Variants in MEX3B observed in about 807,000 individuals in gnomAD.
MEX3B encodes mex-3 RNA binding family member B.
A neutral mutation model predicts 12.2 loss-of-function variants in MEX3B; 10 were observed. That is an observed-to-expected ratio of 0.82 (90% CI 0.51 to 1.40). MEX3B has a LOEUF of 1.40. Among genes scored for constraint, MEX3B ranks in the 40% most tolerant of loss-of-function variants. The pLI, the probability that MEX3B is intolerant of heterozygous loss-of-function variation, is 0.00. For missense variants in MEX3B, 839 were observed against 801.4 expected (o/e 1.05, Z -0.57); for synonymous variants, 498 against 356.3 (o/e 1.40, Z -4.48).
rs1472490127 is a variant in MEX3B, at chr15:82,043,753, C to T, written c.1117G>A (p.Ala373Thr). 1 of 1,569,556 alleles carries T rather than the reference C, an allele frequency of 6.4e-7. No homozygotes were observed. Among genetic ancestry groups the T allele is most frequent in the Non-Finnish European group, 8.6e-7 (1 of 1,159,206 alleles). The part of the protein sequence containing the change: ...FDPAPAPPPG[A>T]PLIWAQFERS... ...TCGAACTGGGCCCAGATAAGTGGTGCCCCAGGTGGGGGAGCGGGAGCCGGG... is the reference window on the plus strand; with the variant it reads ...TCGAACTGGGCCCAGATAAGTGGTGTCCCAGGTGGGGGAGCGGGAGCCGGG... Residue 373 changes from alanine (A) to threonine (T), a missense_variant, in exon 2 of 2, where the codon GCA becomes ACA. Physicochemically the swap from Ala to Thr is moderately conservative, Grantham distance 58 (BLOSUM62 0). This residue lies in a region of MEX3B where 573 missense variants were observed against 488.9 expected (regional missense o/e 1.17). Coordinates refer to ENST00000329713, the MANE Select transcript of MEX3B (RefSeq NM_032246.6).
In MEX3B at chr15:82,043,923, G is replaced by C; in HGVS notation, c.947C>G (p.Ala316Gly). 36 of 1,600,762 alleles carry C rather than the reference G, an allele frequency of 2.2e-5. No homozygotes were observed. Among genetic ancestry groups the C allele is most frequent in the Non-Finnish European group, 3.1e-5 (36 of 1,176,354 alleles). Residue 316 changes from alanine to glycine, a missense_variant, in exon 2 of 2, where the codon GCG becomes GGG. Coordinates refer to ENST00000329713, the MANE Select transcript of MEX3B (RefSeq NM_032246.6). The stretch of plus-strand genomic sequence containing the variant: ...GGCGGGGCTAGGGGGGCTGTAGTCC[G>C]CCAGGCGCTGGGTAGCCGCTGCGCT... ...SSSAAATQRL[A>G]DYSPPSPALS...
Position 82,044,741 on chromosome 15 carries a change from G to C in MEX3B, c.257-128C>G. 4 of 901,062 alleles carry C rather than the reference G, an allele frequency of 4.4e-6. No homozygotes were observed. The highest frequency in any genetic ancestry group is 5.2e-6 in the Non-Finnish European group (3 of 580,194). The allele number at this position is 901,062 out of a possible 1,614,324, so 55.8% of individuals were successfully genotyped here. ...GAGACGGCAGGACAAGAGATGGGCG[G>C]AAAGGGGGCGTCTCCCTCACTGACC... On this transcript the variant is annotated intron_variant, in intron 1 of 1. Transcript: ENST00000329713. The surrounding 1 kb of genome is among the most constrained non-coding windows in gnomAD (Gnocchi z 5.3).
Position 82,042,276 on chromosome 15 carries a change from C to T in MEX3B, c.*884G>A, listed in dbSNP as rs1244356987. 1 of 152,456 alleles carries T rather than the reference C, an allele frequency of 6.6e-6. No individual in the cohort carries two copies. The highest frequency in any genetic ancestry group is 1.9e-4 in the East Asian group (1 of 5,204). The allele number at this position is 152,456 out of a possible 1,614,324, so 9.4% of individuals were successfully genotyped here. ...AGCAGATCTAGAAGATTTGTCTGAACCTATAAAATCTCCATCCCAACAGAA... is the reference window on the plus strand; with the variant it reads ...AGCAGATCTAGAAGATTTGTCTGAATCTATAAAATCTCCATCCCAACAGAA... On this transcript the variant is annotated 3_prime_UTR_variant, in exon 2 of 2. Coordinates refer to ENST00000329713, the MANE Select transcript of MEX3B (RefSeq NM_032246.6).
rs1306988178 is a variant in MEX3B at position 82,044,783 on chromosome 15, G to A, written c.257-170C>T. ...TCACTGACCTCGGGCCGCGCCACGG[G>A]CTGGGCAGCGGATCCCACCCGCGAG... On this transcript the variant is annotated intron_variant, in intron 1 of 1. Transcript: ENST00000329713. The surrounding 1 kb of genome is among the most constrained non-coding windows in gnomAD (Gnocchi z 5.3). 3 of 692,066 alleles carry A rather than the reference G, an allele frequency of 4.3e-6. No homozygotes were observed. The highest frequency in any genetic ancestry group is 7.3e-6 in the Non-Finnish European group (3 of 409,234). The allele number at this position is 692,066 out of a possible 1,614,324, so 42.9% of individuals were successfully genotyped here.
Position 82,042,488 on chromosome 15 carries a change from T to A in MEX3B, c.*672A>T, listed in dbSNP as rs139663241. 498 of 152,734 alleles carry A rather than the reference T, an allele frequency of 3.3e-3. 3 individuals carry two copies. The highest frequency in any genetic ancestry group is 5.4e-3 in the Non-Finnish European group (368 of 68,038). The allele number at this position is 152,734 out of a possible 1,614,324, so 9.5% of individuals were successfully genotyped here. ...TCTTTGCAATATGAAATATAATTTT[T>A]CAAGTCAAAAAAGAATAAAATACTT... On this transcript the variant is annotated 3_prime_UTR_variant, in exon 2 of 2. Transcript: ENST00000329713.
chr15:82,045,412 ACCACCC>A, intron 1 of MEX3B, 32 bp downstream of exon 1: 8 of 1,573,492 alleles, frequency 5.1e-6, no homozygotes, highest in Non-Finnish European at 6.9e-6. Context: ...GAGACCCTAC[ACCACCC>A]CCACCCACCT....
rs757158976 is a variant in MEX3B, at chr15:82,043,657, A to G, written c.1213T>C (p.Ser405Pro). ...CCGGGGAAGACCACGGAGGAGGAAG[A>G]AGCAGACGAAGATGCAGAAGAAGAG... ...SCSSSASSSASSSSVVFPGGG... is the reference protein window; with the variant it reads ...SCSSSASSSAPSSSVVFPGGG... The change falls in exon 2 of 2, where the codon TCT becomes CCT. Residue 405 changes from serine (S) to proline (P), a missense_variant. Coordinates refer to ENST00000329713, the MANE Select transcript of MEX3B (RefSeq NM_032246.6). 7 of 1,611,132 alleles carry G rather than the reference A, an allele frequency of 4.3e-6. No individual in the cohort carries two copies. In the South Asian group the frequency reaches 7.7e-5, roughly 18 times the overall value.
intron 1 of MEX3B, chr15:82,045,007 G>C (rs879108434): frequency 1.7e-6 from 1 of 585,336 alleles, no homozygotes; most frequent in Admixed American, 3.1e-5. Flanking sequence ...CTGGTCGACT[G>C]GGGGTAGGGG....
Position 82,042,933 on chromosome 15 carries a change from T to G in MEX3B, c.*227A>C. ...GTTCAGGTTTCCCAGGCTACAGTAC[T>G]CTTGATGCAGATATCCTGGCAAATT... On this transcript the variant is annotated 3_prime_UTR_variant, in exon 2 of 2. Transcript: ENST00000329713. 2.5e-6 allele frequency: 1 copy of G among 398,990 alleles called. No homozygotes were observed. Among genetic ancestry groups the G allele is most frequent in the Non-Finnish European group, 4.4e-6 (1 of 226,360 alleles). 24.7% of individuals were successfully genotyped at this position (398,990 alleles called of 1,614,324 possible).
At position 82,045,651 on chromosome 15, in the gene MEX3B, C is replaced by T. The variant is rs961047847; in HGVS notation, c.55G>A (p.Gly19Ser). The T allele has an allele frequency of 1.0e-5, 16 of 1,563,724 alleles. No homozygotes were observed. The highest frequency in any genetic ancestry group is 1.3e-5 in the Non-Finnish European group (15 of 1,160,392). The change falls in exon 1 of 2, where the codon GGC becomes AGC. Residue 19 changes from glycine (G) to serine (S), a missense_variant. Gly to Ser is a moderately conservative substitution (Grantham distance 56, BLOSUM62 0). Coordinates refer to ENST00000329713, the MANE Select transcript of MEX3B (RefSeq NM_032246.6). The part of the protein sequence containing the change: ...LERNGSGGGG[G>S]GSSGGGETLD... ...GTCTCTCCCCCTCCGCTGCTGCCGC[C>T]GCCGCCGCCGCCGCTGCCGTTGCGC...
chr15:82,044,880 G>C lies in MEX3B; in HGVS notation c.257-267C>G, dbSNP rs1001077648. The C allele has an allele frequency of 5.1e-6, 3 of 585,686 alleles. No homozygotes were observed. The highest frequency in any genetic ancestry group is 9.1e-6 in the Non-Finnish European group (3 of 328,378). 36.3% of individuals were successfully genotyped at this position (585,686 alleles called of 1,614,324 possible). On this transcript the variant is annotated intron_variant, in intron 1 of 1. Transcript: ENST00000329713. The surrounding 1 kb of genome is among the most constrained non-coding windows in gnomAD (Gnocchi z 5.3). ...TGCAGTCGTCCCGAACCAAACCCGA[G>C]AATCCCAGAAAAGTCATCTGGGGAG...
chr15:82,041,805 A>G lies in MEX3B; in HGVS notation c.*1355T>C, dbSNP rs2073221848. Reference sequence around the variant, plus strand: ...AGATTTTCTTCAATATTTTATTTATATAGAAATACTTAAAAAATGAAGTAG... The same window carrying G: ...AGATTTTCTTCAATATTTTATTTATGTAGAAATACTTAAAAAATGAAGTAG... On this transcript the variant is annotated 3_prime_UTR_variant, in exon 2 of 2. Coordinates refer to ENST00000329713, the MANE Select transcript of MEX3B (RefSeq NM_032246.6). 6.6e-6 allele frequency: 1 copy of G among 152,632 alleles called. No individual in the cohort carries two copies. Among genetic ancestry groups the G allele is most frequent in the Non-Finnish European group, 1.5e-5 (1 of 68,040 alleles). 9.5% of individuals were successfully genotyped at this position (152,632 alleles called of 1,614,324 possible). A position where few individuals can be genotyped will look rare whatever the true frequency, so the allele number is the denominator to read the frequency against.
chr15:82,043,153 G>A lies in MEX3B; in HGVS notation c.*7C>T. 7 of 1,522,202 alleles carry A rather than the reference G, an allele frequency of 4.6e-6. No individual in the cohort carries two copies. The highest frequency in any genetic ancestry group is 2.3e-5 in the East Asian group (1 of 43,182). The allele number at this position is 1,522,202 out of a possible 1,614,324, so 94.3% of individuals were successfully genotyped here. ...AGCACGGTGCGCACTAGCAGCGCCC[G>A]CTGCCTTTAAGAAAAGATGCGGATG... On this transcript the variant is annotated 3_prime_UTR_variant, in exon 2 of 2. Transcript: ENST00000329713.
rs548260643 is a variant in MEX3B, at chr15:82,043,105, G to A, written c.*55C>T. ...CAGGCGAGCGCTGGGGAAAGAGGGT[G>A]GGGAGGGGTTCCCCCTTCCCCCAGC... On this transcript the variant is annotated 3_prime_UTR_variant, in exon 2 of 2. Transcript: ENST00000329713. The A allele has an allele frequency of 5.8e-5, 82 of 1,416,008 alleles. No individual in the cohort carries two copies. In the African/African-American group the frequency reaches 9.3e-4, roughly 16 times the overall value. 87.7% of individuals were successfully genotyped at this position (1,416,008 alleles called of 1,614,324 possible). A position where few individuals can be genotyped will look rare whatever the true frequency, so the allele number is the denominator to read the frequency against.
In MEX3B at chr15:82,044,692, GGGACAGCCCGCGTCCA is replaced by G; in HGVS notation, c.257-95_257-80del. 1.4e-6 allele frequency: 2 copies of G among 1,409,664 alleles called. No individual in the cohort carries two copies. The highest frequency in any genetic ancestry group is 2.0e-6 in the Non-Finnish European group (2 of 1,004,118). The allele number at this position is 1,409,664 out of a possible 1,614,324, so 87.3% of individuals were successfully genotyped here. On this transcript the variant is annotated intron_variant, in intron 1 of 1. Transcript: ENST00000329713. This position sits in a 1 kb window ranked among gnomAD's most constrained non-coding sequence, Gnocchi z 5.3. Reference sequence around the variant, plus strand: ...TATCCTGGGGTAACCGCGGGGACCGGGGACAGCCCGCGTCCAGGACAGCGAGACGGCAGGACAAGAG... The same window carrying G: ...TATCCTGGGGTAACCGCGGGGACCGGGGACAGCGAGACGGCAGGACAAGAG...
Position 82,043,661 on chromosome 15 carries a change from A to C in MEX3B, c.1209T>G (p.Ser403=), listed in dbSNP as rs2141169597. 2.5e-6 allele frequency: 4 copies of C among 1,611,098 alleles called. No individual in the cohort carries two copies. The highest frequency in any genetic ancestry group is 3.4e-6 in the Non-Finnish European group (4 of 1,178,734). ...SSSCSSSASS[S]ASSSSVVFPG... ...GGAAGACCACGGAGGAGGAAGAAGC[A>C]GACGAAGATGCAGAAGAAGAGCAGG... Residue 403 remains serine, a synonymous_variant, in exon 2 of 2, where the codon TCT becomes TCG. Transcript: ENST00000329713.
In MEX3B at chr15:82,045,635, C is replaced by A; in HGVS notation, c.71G>T (p.Gly24Val). The A allele has an allele frequency of 6.3e-7, 1 of 1,590,234 alleles. No individual in the cohort carries two copies. Among genetic ancestry groups the A allele is most frequent in the Non-Finnish European group, 8.5e-7 (1 of 1,172,340 alleles). The change falls in exon 1 of 2, where the codon GGG (glycine) becomes GTG (valine). Residue 24 changes from glycine (G) to valine (V), a missense_variant. By Grantham distance (109) the Gly-to-Val change is moderately radical. Coordinates refer to ENST00000329713, the MANE Select transcript of MEX3B (RefSeq NM_032246.6). ...SGGGGGGSSG[G>V]GETLDDQRAL... is the part of the protein sequence containing the mutation. The stretch of plus-strand genomic sequence containing the variant: ...TCTTTGGTCATCCAGGGTCTCTCCC[C>A]CTCCGCTGCTGCCGCCGCCGCCGCC...
rs186238341 is a variant in MEX3B, at chr15:82,044,616, A to G, written c.257-3T>C. 111 of 1,614,006 alleles carry G rather than the reference A, an allele frequency of 6.9e-5. No individual in the cohort carries two copies. The Admixed American group carries it at 1.8e-3, about 27-fold the overall frequency. ...CCGCAGCGCTTTGATTTTACAACCT[A>G]CGAACCAGGGTGCGGAGGAGGGAGT... is the stretch of plus-strand genomic sequence containing the variant. On this transcript the variant is annotated splice_region_variant and splice_polypyrimidine_tract_variant and intron_variant, in intron 1 of 1. Transcript: ENST00000329713. The surrounding 1 kb of genome is among the most constrained non-coding windows in gnomAD (Gnocchi z 5.3).
At chr15:82,045,147 C>T (rs1196710323) in intron 1 of MEX3B, 3 of 608,260 alleles carry the variant, frequency 4.9e-6, no homozygotes, top group Non-Finnish European at 2.9e-6. Context: ...GATCAAAGGC[C>T]CCCTCCCCCA....
Sources: gnomAD v4.1 joint callset for allele counts on GRCh38, gnomAD v4.1.1 for gene constraint, gnomAD v4.1.1 regional missense constraint, Gnocchi (gnomAD v3.1) non-coding constraint, MANE v1.5 for transcripts, NCBI Gene and HGNC (gene_info 2026-07-23, HGNC 2026-07-21) for gene names.